The following RAD51B variants were observed in gnomAD, a reference collection of about 807,000 sequenced individuals.
RAD51B encodes the protein DNA repair protein RAD51 homolog 2.
Under a neutral mutation model 42.2 loss-of-function variants are expected in RAD51B, and 38 were observed. The ratio of observed to expected loss-of-function variants is 0.90; its 90% CI spans 0.70 to 1.18. The LOEUF is 1.18. Among genes scored for constraint, RAD51B ranks in the 50% most tolerant of loss-of-function variants. RAD51B has a pLI of 0.00. For synonymous variants in RAD51B, 154 were observed against 145.2 expected, an observed-to-expected ratio of 1.06 and a Z score of -0.43; for missense variants, 373 against 400.7, an observed-to-expected ratio of 0.93 and a Z score of 0.59.
chr14:68,524,509 G>T (rs1180223239), intron 10 of RAD51B, among the ~76,000 whole-genome samples: 3 of 152,112 alleles, frequency 2.0e-5, no homozygotes, highest in Non-Finnish European at 4.4e-5. Flanking sequence ...AAACACACAG[G>T]CTAAACACAC....
intron 11 of RAD51B, among the ~76,000 whole-genome samples, chr14:68,667,869 C>T (rs529048488): frequency 1.3e-5 from 2 of 152,296 alleles, no homozygotes; most frequent in South Asian, 4.1e-4. Context: ...CCGTGGATCC[C>T]CAAAAACTAA....
intron 10 of RAD51B, among the ~76,000 whole-genome samples, chr14:68,494,542 C>T (rs1446408314): frequency 6.6e-6 from 1 of 152,170 alleles, no homozygotes; most frequent in African/African-American, 2.4e-5. Context: ...CACTAAGTTT[C>T]ACCATCAGTG....
intron 7 of RAD51B, among the ~76,000 whole-genome samples, chr14:67,961,951 C>T (rs575360269): frequency 6.6e-6 from 1 of 152,272 alleles, no homozygotes; most frequent in East Asian, 1.9e-4. Flanking sequence ...TATATGCACA[C>T]ATACACATAG....
chr14:68,515,319 G>A (rs1290317708), intron 10 of RAD51B, among the ~76,000 whole-genome samples: 1 of 152,122 alleles, frequency 6.6e-6, no homozygotes, highest in African/African-American at 2.4e-5. Context: ...AGCTTGTGGA[G>A]GGTAAGTGAG....
chr14:68,655,316 C>G lies in RAD51B; in HGVS notation c.*11+4460C>G, dbSNP rs557562608. Among the ~76,000 whole-genome samples, 21 of 152,044 alleles carry G rather than the reference C, an allele frequency of 1.4e-4. No homozygotes were observed. The East Asian group carries it at 3.9e-3, about 28-fold the overall frequency. ...CAGCCTGAGCAGGTTCACAGCTGCT[C>G]AGGGTTATACTTTCCAGCACATTTA... On this transcript the variant is annotated intron_variant, in intron 11 of 11. Coordinates refer to the RAD51B transcript ENST00000488612.
intron 7 of RAD51B, among the ~76,000 whole-genome samples, chr14:67,907,060 T>A (rs2043803352): frequency 6.6e-6 from 1 of 152,114 alleles, no homozygotes; most frequent in South Asian, 2.1e-4. Context: ...CTGCCCATCT[T>A]GGCCTCCCAA....
At chr14:68,249,630 A>G (rs1489053216) in intron 7 of RAD51B, among the ~76,000 whole-genome samples, 2 of 152,230 alleles carry the variant, frequency 1.3e-5, no homozygotes, top group East Asian at 3.8e-4. Context: ...ACATACTTAC[A>G]TCACACCCTC....
chr14:68,029,410 T>G (rs1209612065), intron 7 of RAD51B, among the ~76,000 whole-genome samples: 4 of 152,238 alleles, frequency 2.6e-5, no homozygotes, highest in Non-Finnish European at 5.9e-5. Context: ...TGTTCACAGC[T>G]TCTTCGCCAG....
intron 9 of RAD51B, among the ~76,000 whole-genome samples, chr14:68,434,701 C>T (rs1594832765): frequency 6.6e-6 from 1 of 152,056 alleles, no homozygotes; most frequent in South Asian, 2.1e-4. Context: ...CCGGGTGAGG[C>T]GATGCCTCGC....
At chr14:68,421,148 T>A (rs1018957818) in intron 9 of RAD51B, among the ~76,000 whole-genome samples, 5 of 152,198 alleles carry the variant, frequency 3.3e-5, no homozygotes, top group Non-Finnish European at 7.3e-5. Flanking sequence ...CTCTAGGCAT[T>A]ATTTGACTTT....
chr14:68,541,114 G>C (rs908600242), intron 10 of RAD51B: 42 of 985,368 alleles, frequency 4.3e-5, no homozygotes, highest in Non-Finnish European at 5.1e-5. Context: ...GATGTTTCCA[G>C]ATGTGTAGGT....
At chr14:68,640,168 C>G (rs1188421489) in intron 10 of RAD51B, among the ~76,000 whole-genome samples, 1 of 152,166 alleles carries the variant, frequency 6.6e-6, no homozygotes, top group Non-Finnish European at 1.5e-5. Context: ...CACATCCATG[C>G]ATTAGGCATG....
intron 8 of RAD51B, among the ~76,000 whole-genome samples, chr14:68,321,566 C>A (rs536204343): frequency 1.3e-5 from 2 of 152,142 alleles, no homozygotes; most frequent in Non-Finnish European, 2.9e-5. Flanking sequence ...TAGCAAATAG[C>A]AGCATTTGAT....
chr14:68,181,315 G>A (rs762160242), intron 7 of RAD51B, among the ~76,000 whole-genome samples: 4 of 152,140 alleles, frequency 2.6e-5, no homozygotes, highest in African/African-American at 9.7e-5. Context: ...TTATGAGAGC[G>A]GATTGTGGGA....
At chr14:68,163,749 G>T (rs1235489309) in intron 7 of RAD51B, among the ~76,000 whole-genome samples, 1 of 152,150 alleles carries the variant, frequency 6.6e-6, no homozygotes, top group African/African-American at 2.4e-5. Flanking sequence ...TAAGGCATGT[G>T]TGTACAGACA....
At chr14:68,168,488 G>A (rs538532126) in intron 7 of RAD51B, among the ~76,000 whole-genome samples, 4 of 152,166 alleles carry the variant, frequency 2.6e-5, no homozygotes, top group Non-Finnish European at 4.4e-5. Flanking sequence ...TTAAAATGTA[G>A]CATGATTACA....
chr14:68,193,860 T>G (rs944219699), intron 7 of RAD51B, among the ~76,000 whole-genome samples: 5 of 152,218 alleles, frequency 3.3e-5, no homozygotes, highest in African/African-American at 1.2e-4. Flanking sequence ...AACGCTTTTT[T>G]TTCTGTAAGA....
chr14:68,064,602 A>G (rs2076620366), intron 7 of RAD51B, among the ~76,000 whole-genome samples: 2 of 151,878 alleles, frequency 1.3e-5, no homozygotes, highest in Non-Finnish European at 2.9e-5. Flanking sequence ...TGTTCACTTA[A>G]TGGTGTCCCA....
intron 7 of RAD51B, among the ~76,000 whole-genome samples, chr14:68,197,714 A>G (rs1003849137): frequency 3.9e-5 from 6 of 152,094 alleles, no homozygotes; most frequent in African/African-American, 1.4e-4. Context: ...CTGTAATTTT[A>G]ATTTTGATTT....
Sources: gnomAD v4.1 joint callset for allele counts (sites outside exome capture counted in the v4.1 genomes callset) on GRCh38, gnomAD v4.1.1 for gene constraint, MANE v1.5 for transcripts, NCBI Gene and HGNC (gene_info 2026-07-23, HGNC 2026-07-21) for gene names.